Variants in ILRUN observed in about 807,000 individuals in gnomAD.
The protein encoded by ILRUN is inflammation and lipid regulator with UBA-like and NBR1-like domains.
ILRUN carries 3 observed loss-of-function variants against 33.8 expected under a neutral mutation model. That is an observed-to-expected ratio of 0.09 (90% CI 0.04 to 0.23). The LOEUF (loss-of-function observed/expected upper bound fraction) is 0.23, where lower values mean the gene tolerates loss of function less well. Among genes scored for constraint, ILRUN ranks in the 10% least tolerant of loss-of-function variants. ILRUN has a pLI of 1.00. For synonymous variants in ILRUN, 124 were observed against 138.9 expected, an observed-to-expected ratio of 0.89 and a Z score of 0.75; for missense variants, 210 against 375.1, an observed-to-expected ratio of 0.56 and a Z score of 3.64.
At chr6:34,691,042 G>A (rs987672484) in intron 1 of ILRUN, among the ~76,000 whole-genome samples, 4 of 152,024 alleles carry the variant, frequency 2.6e-5, no homozygotes, top group African/African-American at 9.7e-5. Flanking sequence ...CCGTCACCAG[G>A]CCTGGCTAAT....
At chr6:34,635,700 T>TGCCTCCTG (rs1277564517) in intron 3 of ILRUN, among the ~76,000 whole-genome samples, 1 of 150,416 alleles carries the variant, frequency 6.6e-6, no homozygotes, top group Non-Finnish European at 1.5e-5. Flanking sequence ...CTGCAACCTC[T>TGCCTCCTG]GCCTCCTGGC....
intron 3 of ILRUN, among the ~76,000 whole-genome samples, chr6:34,627,039 G>A (rs1477902461): frequency 6.6e-6 from 1 of 151,176 alleles, no homozygotes; most frequent in African/African-American, 2.4e-5. Context: ...TACTTTCACT[G>A]CCCTAAAAAT....
chr6:34,621,199 C>G (rs1762006895), intron 3 of ILRUN, among the ~76,000 whole-genome samples: 1 of 152,188 alleles, frequency 6.6e-6, no homozygotes, highest in Non-Finnish European at 1.5e-5. Flanking sequence ...AGAGCATCAC[C>G]TTCTTACTCT....
At chr6:34,609,541 T>TA (rs1204995471) in intron 3 of ILRUN, among the ~76,000 whole-genome samples, 2 of 151,812 alleles carry the variant, frequency 1.3e-5, no homozygotes, top group African/African-American at 2.4e-5. Context: ...CATAAAAACT[T>TA]AGAGGTTTGG....
intron 4 of ILRUN, among the ~76,000 whole-genome samples, chr6:34,593,803 C>A (rs1488604242): frequency 1.3e-5 from 2 of 152,128 alleles, no homozygotes; most frequent in Non-Finnish European, 2.9e-5. Context: ...TAGACTCCCC[C>A]ACACACAGTA....
intron 1 of ILRUN, among the ~76,000 whole-genome samples, chr6:34,687,892 T>C (rs1763559575): frequency 6.6e-6 from 1 of 151,710 alleles, no homozygotes; most frequent in African/African-American, 2.4e-5. Context: ...CAAAAACAGA[T>C]TGACCATATG....
chr6:34,616,771 A>G, intron 3 of ILRUN: 1 of 696,550 alleles, frequency 1.4e-6, no homozygotes, highest in Non-Finnish European at 2.6e-6. Flanking sequence ...TACCTGCAGA[A>G]CTCAAATTGG....
intron 1 of ILRUN, among the ~76,000 whole-genome samples, chr6:34,682,467 C>T (rs865962276): frequency 1.3e-5 from 2 of 151,354 alleles, no homozygotes; most frequent in East Asian, 2.0e-4. Flanking sequence ...ACCATATTAG[C>T]CAGGACGGTC....
intron 3 of ILRUN, among the ~76,000 whole-genome samples, chr6:34,622,103 T>C (rs534645970): frequency 8.5e-5 from 13 of 152,240 alleles, no homozygotes; most frequent in Admixed American, 8.5e-4. Context: ...TAACTCAAAA[T>C]GGATCAAAGA....
At chr6:34,657,374 G>A (rs959180916) in intron 1 of ILRUN, among the ~76,000 whole-genome samples, 1 of 152,194 alleles carries the variant, frequency 6.6e-6, no homozygotes, top group African/African-American at 2.4e-5. Context: ...GACCACTGCA[G>A]TAGGAACACT....
At chr6:34,653,093 C>T (rs1365587371) in intron 2 of ILRUN, among the ~76,000 whole-genome samples, 4 of 138,746 alleles carry the variant, frequency 2.9e-5, no homozygotes, top group Non-Finnish European at 6.0e-5. Context: ...GATTGCACCA[C>T]TGCACTCCCA....
chr6:34,652,950 C>T (rs992243025), intron 2 of ILRUN, among the ~76,000 whole-genome samples: 2 of 151,552 alleles, frequency 1.3e-5, no homozygotes, highest in Admixed American at 6.6e-5. Flanking sequence ...GAGCCCAGCC[C>T]GAGCAACACA....
chr6:34,637,271 T>C (rs1295278041), intron 3 of ILRUN, among the ~76,000 whole-genome samples: 1 of 152,222 alleles, frequency 6.6e-6, no homozygotes, highest in Non-Finnish European at 1.5e-5. Flanking sequence ...AGGATTATAT[T>C]AAGATACAAA....
chr6:34,668,944 A>G (rs1763057807), intron 1 of ILRUN, among the ~76,000 whole-genome samples: 2 of 151,552 alleles, frequency 1.3e-5, no homozygotes, highest in Non-Finnish European at 2.9e-5. Context: ...CCCAAGTTCA[A>G]GTGATTTTTC....
At chr6:34,650,561 C>T (rs892048164) in intron 2 of ILRUN, among the ~76,000 whole-genome samples, 3 of 151,782 alleles carry the variant, frequency 2.0e-5, no homozygotes, top group African/African-American at 2.4e-5. Flanking sequence ...CTCCCGAATA[C>T]GTGGGATTAC....
chr6:34,685,386 C>T (rs570643675), intron 1 of ILRUN: 2 of 152,054 alleles, frequency 1.3e-5, no homozygotes, highest in African/African-American at 4.8e-5. Flanking sequence ...AGTGCAGTGG[C>T]TATTCACAGA....
intron 2 of ILRUN, among the ~76,000 whole-genome samples, chr6:34,650,400 T>C (rs541137541): frequency 1.7e-3 from 237 of 140,444 alleles, no homozygotes; most frequent in Middle Eastern, 3.6e-3. Flanking sequence ...TAATTTTATT[T>C]ATTTATTTTT....
rs147366546 is a variant in ILRUN, at chr6:34,654,524, G to A, written c.313+101C>T. ...ACATATCATGTGTAAGAGAAAGCTC[G>A]CAGTTACACAATCACATACATAAGC... On this transcript the variant is annotated intron_variant, in intron 2 of 4. Transcript: ENST00000374023. The A allele has an allele frequency of 5.3e-4, 639 of 1,208,554 alleles. 4 individuals are homozygous for A. The highest frequency in any genetic ancestry group is 4.3e-3 in the East Asian group (180 of 41,672). The allele number at this position is 1,208,554 out of a possible 1,614,324, so 74.9% of individuals were successfully genotyped here.
chr6:34,688,075 T>C (rs916002173), intron 1 of ILRUN, among the ~76,000 whole-genome samples: 5 of 151,914 alleles, frequency 3.3e-5, no homozygotes, highest in African/African-American at 4.8e-5. Context: ...GATATGTATA[T>C]ACAATGGAAT....
Sources: gnomAD v4.1 joint callset for allele counts (sites outside exome capture counted in the v4.1 genomes callset) on GRCh38, gnomAD v4.1.1 for gene constraint, MANE v1.5 for transcripts, NCBI Gene and HGNC (gene_info 2026-07-23, HGNC 2026-07-21) for gene names.